Variants in FRMPD4 observed in about 807,000 individuals in gnomAD.
FRMPD4 encodes the protein FERM and PDZ domain-containing protein 4.
In FRMPD4, 22 loss-of-function variants were observed where a neutral mutation model predicts 94.1. The ratio of observed to expected loss-of-function variants is 0.23; its 90% confidence interval spans 0.17 to 0.33. The LOEUF (loss-of-function observed/expected upper bound fraction) is 0.33. Among genes scored for constraint, FRMPD4 ranks in the 10% least tolerant of loss-of-function variants. The probability of loss-of-function intolerance (pLI) is 1.00; values close to 1 mark genes in which losing one functional copy is unlikely to be tolerated. For synonymous variants in FRMPD4, 631 were observed against 548.6 expected (o/e 1.15, Z -2.10); for missense variants, 1,111 against 1,339.9 (o/e 0.83, Z 2.67).
chrX:12,157,666 C>T (rs2147611042), intron 1 of FRMPD4, among the ~76,000 whole-genome samples: 1 of 111,952 alleles, frequency 8.9e-6, no homozygotes, highest in East Asian at 2.8e-4. Flanking sequence ...GCCAGTATAC[C>T]TTGGTGGGTT....
chrX:12,239,652 T>G (rs754085781), intron 1 of FRMPD4, among the ~76,000 whole-genome samples: 62 of 112,046 alleles, frequency 5.5e-4, no homozygotes, highest in Non-Finnish European at 1.1e-3. Flanking sequence ...TTTTAGTTAG[T>G]TCCAGCTGCT....
intron 1 of FRMPD4, among the ~76,000 whole-genome samples, chrX:12,302,348 TATTA>T (rs1488192591): frequency 3.6e-5 from 4 of 112,262 alleles, no homozygotes; most frequent in Non-Finnish European, 7.5e-5. Context: ...CTAAACAATT[TATTA>T]ATTATTAGAT....
chrX:12,455,010 T>C (rs1245596574), intron 1 of FRMPD4, among the ~76,000 whole-genome samples: 5 of 110,629 alleles, frequency 4.5e-5, no homozygotes, highest in African/African-American at 1.6e-4. Context: ...TATTTAACAA[T>C]TACCATATAG....
intron 4 of FRMPD4, among the ~76,000 whole-genome samples, chrX:12,638,028 T>C (rs1419043843): frequency 8.9e-6 from 1 of 112,208 alleles, no homozygotes; most frequent in Non-Finnish European, 1.9e-5. Context: ...CACTTATTTT[T>C]ATATTCTATT....
At chrX:12,180,762 T>C (rs2147668269) in intron 1 of FRMPD4, among the ~76,000 whole-genome samples, 1 of 112,655 alleles carries the variant, frequency 8.9e-6, no homozygotes, top group African/African-American at 3.2e-5. Flanking sequence ...CATTGTAGCA[T>C]GAAAGCAGCC....
intron 1 of FRMPD4, 34 bp from the exon 2 acceptor site, chrX:12,498,646 G>A: frequency 3.9e-6 from 3 of 770,514 alleles, no homozygotes; most frequent in Non-Finnish European, 4.0e-6. Context: ...TCAGGAGTCA[G>A]GTGTAATGAT....
intron 1 of FRMPD4, among the ~76,000 whole-genome samples, chrX:11,842,966 G>T (rs928011275): frequency 1.8e-5 from 2 of 111,524 alleles, no homozygotes; most frequent in Non-Finnish European, 3.8e-5. Flanking sequence ...ATTCAACAAC[G>T]CTTCATGCTA....
At position 12,345,064 on chromosome X, in the gene FRMPD4, AGATGGATGGATT is replaced by A. The variant is rs1350838800; in HGVS notation, c.42-153607_42-153596del. 1.2e-3 allele frequency among the ~76,000 whole-genome samples: 134 copies of A among 112,084 alleles called. 1 individual carries two copies. Among genetic ancestry groups the A allele is most frequent in the Non-Finnish European group, 2.0e-3 (104 of 53,161 alleles). On this transcript the variant is annotated intron_variant, in intron 1 of 16. Coordinates refer to ENST00000675598, the MANE Select transcript of FRMPD4 (RefSeq NM_001368397.1). The stretch of plus-strand genomic sequence containing the variant: ...GTGGGTAGATGGATAATGGATGGAA[AGATGGATGGATT>A]GATGGATGAATGAATGAATGGATGG...
intron 4 of FRMPD4, among the ~76,000 whole-genome samples, chrX:12,653,247 G>A (rs1434215639): frequency 2.7e-5 from 3 of 111,884 alleles, no homozygotes; most frequent in Non-Finnish European, 5.6e-5. Flanking sequence ...AAAACGTAAA[G>A]AATAGAAAAA....
Position 11,935,269 on chromosome X carries a change from G to GTTTTTTTTT in FRMPD4, c.95+57270_95+57278dup, listed in dbSNP as rs1234166611. On this transcript the variant is annotated intron_variant, in intron 3 of 18. Transcript: ENST00000640291. ...TTGTTGTTTTTTTTTTTTTTAATGT[G>GTTTTTTTTT]TTTTTTTTTTTTTTTTTTTTTTTTT... Among the ~76,000 whole-genome samples, 22 of 5,011 alleles carry GTTTTTTTTT rather than the reference G, an allele frequency of 4.4e-3. 8 individuals carry two copies. Among genetic ancestry groups the GTTTTTTTTT allele is most frequent in the Admixed American group, 5.6e-3 (2 of 355 alleles). 4.4% of individuals were successfully genotyped at this position (5,011 alleles called of 115,157 possible). A position where few individuals can be genotyped will look rare whatever the true frequency, so the allele number is the denominator to read the frequency against.
At chrX:12,657,679 A>C (rs1276153703) in intron 4 of FRMPD4, among the ~76,000 whole-genome samples, 1 of 112,100 alleles carries the variant, frequency 8.9e-6, no homozygotes, top group Non-Finnish European at 1.9e-5. Flanking sequence ...ATGTGTGTTC[A>C]GTGTGTAAAT....
rs2059674870 is a variant in FRMPD4 at position 12,657,886 on chromosome X, T to A, written c.423-16977T>A. 2.7e-5 allele frequency among the ~76,000 whole-genome samples: 3 copies of A among 112,423 alleles called. No individual in the cohort carries two copies. In the Admixed American group the frequency reaches 2.8e-4, roughly 11 times the overall value. ...ACAGAAGCCTTTTTTCTAACTGGTTTCTGCCAAACTGGGCTTACTACAACA... is the reference window on the plus strand; with the variant it reads ...ACAGAAGCCTTTTTTCTAACTGGTTACTGCCAAACTGGGCTTACTACAACA... On this transcript the variant is annotated intron_variant, in intron 4 of 16. Coordinates refer to ENST00000675598, the MANE Select transcript of FRMPD4 (RefSeq NM_001368397.1).
chrX:12,490,378 G>A (rs1310105051), intron 1 of FRMPD4, among the ~76,000 whole-genome samples: 1 of 111,020 alleles, frequency 9.0e-6, no homozygotes, highest in Non-Finnish European at 1.9e-5. Context: ...TCAAACCATT[G>A]TAGATGCTAG....
At chrX:12,685,741 A>G (rs1209775057) in intron 6 of FRMPD4, among the ~76,000 whole-genome samples, 1 of 112,046 alleles carries the variant, frequency 8.9e-6, no homozygotes, top group African/African-American at 3.2e-5. Context: ...ACAGTACCTC[A>G]TCAAACAGCA....
intron 3 of FRMPD4, among the ~76,000 whole-genome samples, chrX:12,022,262 C>A (rs901978138): frequency 8.9e-6 from 1 of 112,265 alleles, no homozygotes; most frequent in Non-Finnish European, 1.9e-5. Flanking sequence ...GCTAGTATTT[C>A]AACTAAAAGG....
At chrX:12,039,877 G>A (rs2054742276) in intron 3 of FRMPD4, among the ~76,000 whole-genome samples, 1 of 105,372 alleles carries the variant, frequency 9.5e-6, no homozygotes, top group Non-Finnish European at 1.9e-5. Flanking sequence ...GCTGAGGCAG[G>A]AGAATCTCTT....
chrX:12,556,255 T>C (rs1485989175), intron 2 of FRMPD4, among the ~76,000 whole-genome samples: 1 of 110,748 alleles, frequency 9.0e-6, no homozygotes, highest in Non-Finnish European at 1.9e-5. Flanking sequence ...GGTGGAAAAA[T>C]TGTGAGATGT....
intron 3 of FRMPD4, among the ~76,000 whole-genome samples, chrX:11,921,772 G>T (rs889535429): frequency 1.8e-5 from 2 of 112,296 alleles, no homozygotes; most frequent in African/African-American, 3.2e-5. Flanking sequence ...AACTTTTGTT[G>T]TCATAGGCTA....
At chrX:12,320,689 C>A in intron 1 of FRMPD4, among the ~76,000 whole-genome samples, 1 of 111,415 alleles carries the variant, frequency 9.0e-6, no homozygotes, top group South Asian at 3.8e-4. Context: ...AGGTGATAAT[C>A]AGCATATGCT....
Sources: allele counts gnomAD v4.1 joint callset (sites outside exome capture counted in the v4.1 genomes callset), GRCh38; gene constraint gnomAD v4.1.1; transcripts MANE v1.5; gene names NCBI Gene and HGNC (gene_info 2026-07-23, HGNC 2026-07-21).